The following GPR158 variants were observed in gnomAD, a reference collection of about 807,000 sequenced individuals.
GPR158 encodes the protein metabotropic glycine receptor.
Under a neutral mutation model 78.2 loss-of-function variants are expected in GPR158, and 30 were observed. The ratio of observed to expected loss-of-function variants is 0.38; its 90% CI spans 0.29 to 0.52. The LOEUF is 0.52. Ranked by LOEUF, GPR158 falls within the 20% of genes least tolerant of loss-of-function variation. The pLI is 0.83. For missense variants in GPR158, 1,463 were observed against 1,523.5 expected (o/e 0.96, Z 0.66); for synonymous variants, 581 against 591.1 (o/e 0.98, Z 0.25).
Position 25,596,794 on chromosome 10 carries a change from T to G in GPR158, c.2145+5T>G, listed in dbSNP as rs1837414102. On this transcript the variant is annotated splice_donor_5th_base_variant and intron_variant, in intron 10 of 10. Transcript: ENST00000376351. ...TTGGATCCAGAGGACATTCGGGTAA[T>G]GCCAGTACTCTATCTTTCTTCCTAT... 1 of 1,610,542 alleles carries G rather than the reference T, an allele frequency of 6.2e-7. No individual in the cohort carries two copies. Among genetic ancestry groups the G allele is most frequent in the African/African-American group, 1.3e-5 (1 of 74,778 alleles).
chr10:25,259,172 T>C (rs1853934069), intron 2 of GPR158, among the ~76,000 whole-genome samples: 1 of 152,162 alleles, frequency 6.6e-6, no homozygotes, highest in South Asian at 2.1e-4. Flanking sequence ...AGTTCAAACA[T>C]GTGTTGTTCA....
chr10:25,190,546 T>C (rs1362090250), intron 1 of GPR158, among the ~76,000 whole-genome samples: 1 of 152,148 alleles, frequency 6.6e-6, no homozygotes, highest in African/African-American at 2.4e-5. Context: ...TTCCCTAGGC[T>C]GGTTGAACTC....
intron 7 of GPR158, among the ~76,000 whole-genome samples, chr10:25,576,828 C>T (rs1472929116): frequency 1.3e-5 from 2 of 152,002 alleles, no homozygotes; most frequent in Non-Finnish European, 1.5e-5. Flanking sequence ...AATCAAGACT[C>T]GTGATGAGAG....
intron 2 of GPR158, among the ~76,000 whole-genome samples, chr10:25,295,380 G>C (rs1332388508): frequency 6.6e-6 from 1 of 152,096 alleles, no homozygotes; most frequent in Non-Finnish European, 1.5e-5. Context: ...ATGAGATCAT[G>C]TCTCTCTCCT....
chr10:25,290,989 A>C (rs1175265897), intron 2 of GPR158, among the ~76,000 whole-genome samples: 2 of 152,082 alleles, frequency 1.3e-5, no homozygotes, highest in Admixed American at 6.5e-5. Flanking sequence ...AAAAGTAAAA[A>C]ATAATACAAT....
intron 2 of GPR158, among the ~76,000 whole-genome samples, chr10:25,331,567 C>T (rs1009767920): frequency 6.6e-6 from 1 of 152,162 alleles, no homozygotes; most frequent in Non-Finnish European, 1.5e-5. Flanking sequence ...AAACATTACT[C>T]CAGGAGGTGT....
Position 25,393,133 on chromosome 10 carries a change from T to C in GPR158, c.1009-2778T>C, listed in dbSNP as rs1483228781. On this transcript the variant is annotated intron_variant, in intron 2 of 10. Coordinates refer to ENST00000376351, the MANE Select transcript of GPR158 (RefSeq NM_020752.3). Reference sequence around the variant, plus strand: ...GGCAATATGTACCAGATCTAATCAATTCAATTTTTTAAACATTCATTTTTT... The same window carrying C: ...GGCAATATGTACCAGATCTAATCAACTCAATTTTTTAAACATTCATTTTTT... 3.3e-5 allele frequency among the ~76,000 whole-genome samples: 5 copies of C among 152,222 alleles called. No homozygotes were observed. The South Asian group carries it at 8.3e-4, about 25-fold the overall frequency.
chr10:25,227,130 A>G (rs138547595), intron 2 of GPR158, among the ~76,000 whole-genome samples: 12 of 152,326 alleles, frequency 7.9e-5, no homozygotes, highest in African/African-American at 2.9e-4. Context: ...TATTTGGAAT[A>G]GAGATTCTCG....
chr10:25,442,571 TTAA>T (rs576086241), intron 4 of GPR158, among the ~76,000 whole-genome samples: 35 of 152,154 alleles, frequency 2.3e-4, no homozygotes, highest in Admixed American at 2.2e-3. Flanking sequence ...CTCCAGTATA[TTAA>T]TACGTCAGTA....
intron 2 of GPR158, among the ~76,000 whole-genome samples, chr10:25,391,198 A>G (rs1465646493): frequency 7.2e-6 from 1 of 138,458 alleles, no homozygotes; most frequent in Non-Finnish European, 1.6e-5. Context: ...AACCTCTTCT[A>G]GGGCAGTGCA....
intron 2 of GPR158, among the ~76,000 whole-genome samples, chr10:25,389,659 C>A (rs190860191): frequency 1.2e-3 from 179 of 152,294 alleles, no homozygotes; most frequent in African/African-American, 4.1e-3. Flanking sequence ...CTGAAACACG[C>A]CCCTTGCATG....
At chr10:25,464,307 G>A (rs1040203675) in intron 4 of GPR158, among the ~76,000 whole-genome samples, 1 of 152,166 alleles carries the variant, frequency 6.6e-6, no homozygotes, top group Admixed American at 6.5e-5. Flanking sequence ...CAGGATGGAA[G>A]AGGCCATCAA....
At chr10:25,512,637 TC>T (rs35324443) in intron 5 of GPR158, among the ~76,000 whole-genome samples, 1 of 152,194 alleles carries the variant, frequency 6.6e-6, no homozygotes, top group African/African-American at 2.4e-5. Context: ...TCTCAACTTT[TC>T]CCTGTTCGGT....
chr10:25,363,316 T>C (rs1855670381), intron 2 of GPR158, among the ~76,000 whole-genome samples: 1 of 151,940 alleles, frequency 6.6e-6, no homozygotes, highest in South Asian at 2.1e-4. Flanking sequence ...ATATTCATTA[T>C]CATTCCAATG....
chr10:25,194,550 A>G (rs372413261), intron 1 of GPR158, among the ~76,000 whole-genome samples: 4 of 152,126 alleles, frequency 2.6e-5, no homozygotes, highest in Admixed American at 1.3e-4. Flanking sequence ...AAAAATATAT[A>G]AATAAATAAA....
intron 2 of GPR158, among the ~76,000 whole-genome samples, chr10:25,371,158 G>C (rs1194887683): frequency 2.7e-5 from 4 of 148,462 alleles, no homozygotes; most frequent in Non-Finnish European, 6.0e-5. Flanking sequence ...GGAGCACTTA[G>C]TCCATTTACA....
At chr10:25,392,899 A>G (rs1449788031) in intron 2 of GPR158, among the ~76,000 whole-genome samples, 2 of 152,240 alleles carry the variant, frequency 1.3e-5, no homozygotes, top group African/African-American at 2.4e-5. Context: ...GGTTCCGTAC[A>G]GGCCCTGCTG....
At chr10:25,199,524 C>T (rs1382474831) in intron 1 of GPR158, among the ~76,000 whole-genome samples, 6 of 152,120 alleles carry the variant, frequency 3.9e-5, no homozygotes, top group African/African-American at 9.7e-5. Flanking sequence ...TCTGTTTTTG[C>T]ACCCAAATCT....
In GPR158 at chr10:25,176,865, A is replaced by G. The variant is rs1191579782; in HGVS notation, c.902+543A>G. 1.3e-5 allele frequency among the ~76,000 whole-genome samples: 2 copies of G among 152,182 alleles called. No homozygotes were observed. The highest frequency in any genetic ancestry group is 6.5e-5 in the Admixed American group (1 of 15,288). On this transcript the variant is annotated intron_variant, in intron 1 of 10. Coordinates refer to ENST00000376351, the MANE Select transcript of GPR158 (RefSeq NM_020752.3). The surrounding 1 kb of genome is among the most constrained non-coding windows in gnomAD (Gnocchi z 6.3). ...CAGAGCTTATAATTAAAACTGTGCC[A>G]TCTCCTCGCAGTTCCGGCCCCTCAG...
Sources: gnomAD v4.1 joint callset for allele counts (sites outside exome capture counted in the v4.1 genomes callset) on GRCh38, gnomAD v4.1.1 for gene constraint, Gnocchi (gnomAD v3.1) non-coding constraint, MANE v1.5 for transcripts, NCBI Gene and HGNC (gene_info 2026-07-23, HGNC 2026-07-21) for gene names.